Variants in SHLD1 observed in about 807,000 individuals in gnomAD.
SHLD1 encodes the protein shieldin complex subunit 1, also known as RINN1-REV7-interacting novel NHEJ regulator 3.
A neutral mutation model predicts 5.5 loss-of-function variants in SHLD1; 3 were observed. That is an observed-to-expected ratio of 0.54 (90% CI 0.25 to 1.40). SHLD1 has a LOEUF of 1.40. SHLD1 is among the 40% of genes most tolerant of loss of function. The pLI is 0.15. For missense variants in SHLD1, 210 were observed against 244.4 expected (o/e 0.86, Z 0.94); for synonymous variants, 92 against 94.3 (o/e 0.98, Z 0.14).
chr20:5,801,790 C>T (rs938904678), intron 2 of SHLD1, among the ~76,000 whole-genome samples: 7 of 152,112 alleles, frequency 4.6e-5, no homozygotes, highest in African/African-American at 1.4e-4. Flanking sequence ...TTGATTCCCC[C>T]GCCCCCCGTA....
At chr20:5,808,787 A>G (rs1261553041) in intron 2 of SHLD1, among the ~76,000 whole-genome samples, 1 of 152,252 alleles carries the variant, frequency 6.6e-6, no homozygotes, top group Non-Finnish European at 1.5e-5. Context: ...GATTTAGTGG[A>G]TTTAAGCAGA....
intron 2 of SHLD1, among the ~76,000 whole-genome samples, chr20:5,819,069 C>T (rs1600153268): frequency 1.3e-5 from 2 of 152,224 alleles, no homozygotes; most frequent in East Asian, 3.9e-4. Flanking sequence ...TCCATGTTGG[C>T]CAGGCTGGTC....
chr20:5,750,508 T>TGGGG (rs1600076697), intron 1 of SHLD1, 29 bp downstream of exon 1: 1 of 23,268 alleles, frequency 4.3e-5, no homozygotes, highest in African/African-American at 2.0e-4. Flanking sequence ...GGGGGGGGGT[T>TGGGG]GGAGTGGTGG....
intron 2 of SHLD1, among the ~76,000 whole-genome samples, chr20:5,840,597 A>G (rs1323705100): frequency 6.6e-6 from 1 of 152,212 alleles, no homozygotes; most frequent in Non-Finnish European, 1.5e-5. Context: ...GTTTGGAGCA[A>G]CATCTGAACC....
rs1460082835 is a variant in SHLD1, at chr20:5,844,799, A to ATATATATATATATATTTTT, written c.179-18224_179-18223insATATATATATATATTTTTT. On this transcript the variant is annotated intron_variant, in intron 2 of 2. Transcript: ENST00000303142. ...TATATATATATATATATATATATAT[A>ATATATATATATATATTTTT]TTTTTTTTTTTTTGAGACACAGTCT... Among the ~76,000 whole-genome samples the ATATATATATATATATTTTT allele has an allele frequency of 5.6e-5, 4 of 71,720 alleles. No homozygotes were observed. In the East Asian group the frequency reaches 1.5e-3, roughly 27 times the overall value. 47.1% of individuals were successfully genotyped at this position (71,720 alleles called of 152,430 possible). A position where few individuals can be genotyped will look rare whatever the true frequency, so the allele number is the denominator to read the frequency against.
At chr20:5,790,642 C>T (rs143650808) in intron 2 of SHLD1, among the ~76,000 whole-genome samples, 472 of 151,828 alleles carry the variant, frequency 3.1e-3, no homozygotes, top group African/African-American at 0.01. Context: ...TTAGTAGAGA[C>T]GGGGTTTCAC....
chr20:5,827,285 T>A (rs920525492), intron 2 of SHLD1, among the ~76,000 whole-genome samples: 4 of 152,040 alleles, frequency 2.6e-5, no homozygotes, highest in African/African-American at 9.7e-5. Context: ...ATGTAAATAG[T>A]CCAACCTTGC....
chr20:5,753,565 C>T (rs147637325), intron 1 of SHLD1, among the ~76,000 whole-genome samples: 21 of 152,326 alleles, frequency 1.4e-4, no homozygotes, highest in Middle Eastern at 6.8e-3. Context: ...TGGAAGCTTG[C>T]ATAGGTAAAT....
At chr20:5,808,154 C>A (rs974594538) in intron 2 of SHLD1, among the ~76,000 whole-genome samples, 1 of 152,084 alleles carries the variant, frequency 6.6e-6, no homozygotes, top group African/African-American at 2.4e-5. Context: ...GTGGCACACA[C>A]CTGTAATTCC....
At chr20:5,771,746 C>T in intron 1 of SHLD1, 1 of 190,524 alleles carries the variant, frequency 5.2e-6, no homozygotes, top group Non-Finnish European at 1.1e-5. Context: ...GCAAGACTAA[C>T]ATGAATTTCT....
In SHLD1 at chr20:5,863,151, C is replaced by G. The variant is rs1328055070; in HGVS notation, c.306C>G (p.Phe102Leu). The G allele has an allele frequency of 8.1e-6, 13 of 1,614,156 alleles. No individual in the cohort carries two copies. Among genetic ancestry groups the G allele is most frequent in the Non-Finnish European group, 1.1e-5 (13 of 1,180,016 alleles). ...GCCTTCGGAAATCCCTGGATAGATT[C>G]TATGAAATGTTTGGTCATCCACAGC... ...DDGLRKSLDR[F>L]YEMFGHPQPG... is the part of the protein sequence containing the mutation. Residue 102 changes from phenylalanine to leucine, a missense_variant, in exon 3 of 3, where the codon TTC becomes TTG. Transcript: ENST00000303142.
At chr20:5,772,553 G>A (rs146714270) in intron 1 of SHLD1, among the ~76,000 whole-genome samples, 51 of 152,296 alleles carry the variant, frequency 3.3e-4, no homozygotes, top group African/African-American at 1.2e-3. Flanking sequence ...TGAAACTGCA[G>A]AGAGCAAAAT....
intron 2 of SHLD1, among the ~76,000 whole-genome samples, chr20:5,790,705 T>C (rs1449644604): frequency 1.1e-4 from 17 of 151,980 alleles, no homozygotes; most frequent in African/African-American, 4.1e-4. Flanking sequence ...CCACCCACCT[T>C]GGCCTCCCAA....
At chr20:5,797,219 A>G (rs1448605541) in intron 2 of SHLD1, among the ~76,000 whole-genome samples, 3 of 152,124 alleles carry the variant, frequency 2.0e-5, no homozygotes, top group Non-Finnish European at 4.4e-5. Flanking sequence ...GAGGGGAGCA[A>G]GGGAGTGATT....
chr20:5,832,830 A>C (rs60120831), intron 2 of SHLD1, among the ~76,000 whole-genome samples: 15 of 91,378 alleles, frequency 1.6e-4, no homozygotes, highest in South Asian at 3.4e-4. Context: ...TAAATAAATA[A>C]ATAAATAAAT....
intron 2 of SHLD1, among the ~76,000 whole-genome samples, chr20:5,844,449 G>A (rs1171219593): frequency 1.3e-5 from 2 of 152,144 alleles, no homozygotes; most frequent in South Asian, 2.1e-4. Context: ...CCCCCTTAGA[G>A]GGATGTGTTT....
At chr20:5,777,593 A>C (rs544015208) in intron 2 of SHLD1, among the ~76,000 whole-genome samples, 2 of 149,818 alleles carry the variant, frequency 1.3e-5, no homozygotes. Context: ...CTAATTAAAA[A>C]AAATTTTATT....
At chr20:5,842,760 C>G (rs1288632274) in intron 2 of SHLD1, among the ~76,000 whole-genome samples, 2 of 152,118 alleles carry the variant, frequency 1.3e-5, no homozygotes, top group Admixed American at 1.3e-4. Context: ...TTCCACTGGA[C>G]TCTAGTCTTG....
chr20:5,764,156 A>ATATATATATATAAATT (rs1453233954), intron 1 of SHLD1, among the ~76,000 whole-genome samples: 1 of 45,840 alleles, frequency 2.2e-5, no homozygotes, highest in Non-Finnish European at 4.3e-5. Context: ...ATATATTTAT[A>ATATATATATATAAATT]TTTATATATA....
Sources: allele counts gnomAD v4.1 joint callset (sites outside exome capture counted in the v4.1 genomes callset), GRCh38; gene constraint gnomAD v4.1.1; transcripts MANE v1.5; gene names NCBI Gene and HGNC (gene_info 2026-07-23, HGNC 2026-07-21).